Variants in TSPAN9 observed in about 807,000 individuals in gnomAD.
TSPAN9 encodes the protein tetraspanin 9.
A neutral mutation model predicts 31.0 loss-of-function variants in TSPAN9; 16 were observed. That is an observed-to-expected ratio of 0.52 (90% CI 0.35 to 0.78). The LOEUF is 0.78. Among genes scored for constraint, TSPAN9 ranks in the 30% least tolerant of loss-of-function variants. The pLI is 0.01. For synonymous variants in TSPAN9, 145 were observed against 121.6 expected (o/e 1.19, Z -1.27); for missense variants, 272 against 312.5 (o/e 0.87, Z 0.98).
chr12:3,149,670 A>T (rs552176680), intron 2 of TSPAN9: 1 of 150,368 alleles, frequency 6.7e-6, no homozygotes, highest in Non-Finnish European at 1.5e-5. Context: ...TCTGATCTCA[A>T]CACAGGACAG....
intron 2 of TSPAN9, among the ~76,000 whole-genome samples, chr12:3,093,065 T>TTCAA (rs1398433691): frequency 2.8e-4 from 42 of 152,232 alleles, no homozygotes; most frequent in African/African-American, 9.2e-4. Context: ...AGTCCTGGCG[T>TTCAA]TGTCCTGAAT....
rs540344080 is a variant in TSPAN9 at position 3,278,908 on chromosome 12, G to A, written c.256-84G>A. On this transcript the variant is annotated intron_variant, in intron 4 of 8. Transcript: ENST00000011898. ...CAGACCTGGGAAGCCCCACCTAGGCGCCGCCTGTCCCTGCCTTCCACACCC... is the reference window on the plus strand; with the variant it reads ...CAGACCTGGGAAGCCCCACCTAGGCACCGCCTGTCCCTGCCTTCCACACCC... The A allele has an allele frequency of 1.0e-4, 148 of 1,444,496 alleles. 1 individual carries two copies. In the East Asian group the frequency reaches 2.5e-3, roughly 24 times the overall value. The allele number at this position is 1,444,496 out of a possible 1,614,324, so 89.5% of individuals were successfully genotyped here. A position where few individuals can be genotyped will look rare whatever the true frequency, so the allele number is the denominator to read the frequency against.
intron 2 of TSPAN9, among the ~76,000 whole-genome samples, chr12:3,109,753 G>A (rs1037725977): frequency 8.6e-5 from 12 of 139,756 alleles, no homozygotes; most frequent in Middle Eastern, 4.1e-3. Context: ...AGCCGAGATC[G>A]CACCACTGCA....
chr12:3,174,946 G>A (rs1429373173), intron 2 of TSPAN9, among the ~76,000 whole-genome samples: 1 of 152,224 alleles, frequency 6.6e-6, no homozygotes, highest in African/African-American at 2.4e-5. Flanking sequence ...GTGTGAGAAG[G>A]CCGCCCGGAC....
intron 3 of TSPAN9, chr12:3,215,341 T>C (rs1215094826): frequency 1.3e-5 from 2 of 152,186 alleles, no homozygotes. Flanking sequence ...GATCTTTGAC[T>C]TCAGCTTCTC....
chr12:3,192,565 C>T lies in TSPAN9; in HGVS notation c.-17-8612C>T, dbSNP rs1048644226. 1.3e-5 allele frequency among the ~76,000 whole-genome samples: 2 copies of T among 152,076 alleles called. No homozygotes were observed. Among genetic ancestry groups the T allele is most frequent in the Non-Finnish European group, 2.9e-5 (2 of 67,994 alleles). ...ATTTGTTGAGAAGGAGCGGATAGTG[C>T]CAGGGAGCACATCCGGGGCAAGGTC... is the stretch of plus-strand genomic sequence containing the variant. On this transcript the variant is annotated intron_variant, in intron 2 of 8. Transcript: ENST00000011898. The surrounding 1 kb of genome is among the most constrained non-coding windows in gnomAD (Gnocchi z 4.6).
intron 2 of TSPAN9, among the ~76,000 whole-genome samples, chr12:3,174,889 T>A (rs1298173783): frequency 6.6e-6 from 1 of 151,888 alleles, no homozygotes; most frequent in Non-Finnish European, 1.5e-5. Flanking sequence ...GCCTCAGCTG[T>A]GGTTTTAATT....
At chr12:3,164,155 T>G (rs1485950414) in intron 2 of TSPAN9, among the ~76,000 whole-genome samples, 2 of 152,228 alleles carry the variant, frequency 1.3e-5, no homozygotes, top group African/African-American at 2.4e-5. Flanking sequence ...GGTGGCCTGC[T>G]CTGTATTTAG....
At chr12:3,254,472 C>G (rs923698752) in intron 3 of TSPAN9, among the ~76,000 whole-genome samples, 2 of 152,218 alleles carry the variant, frequency 1.3e-5, no homozygotes, top group Admixed American at 1.3e-4. Context: ...TCTACACCAA[C>G]CTTGTGCCCG....
intron 3 of TSPAN9, among the ~76,000 whole-genome samples, chr12:3,204,516 C>T (rs1467053753): frequency 6.6e-6 from 1 of 152,160 alleles, no homozygotes; most frequent in Non-Finnish European, 1.5e-5. Context: ...GCCTGCCTGC[C>T]TGTGGGGGTC....
At chr12:3,100,043 A>G (rs1328460586) in intron 2 of TSPAN9, among the ~76,000 whole-genome samples, 1 of 151,926 alleles carries the variant, frequency 6.6e-6, no homozygotes, top group South Asian at 2.1e-4. Context: ...GGGTTTCACC[A>G]TGTTAGCCGG....
chr12:3,171,221 T>C (rs898962205), intron 2 of TSPAN9, among the ~76,000 whole-genome samples: 1 of 152,156 alleles, frequency 6.6e-6, no homozygotes, highest in African/African-American at 2.4e-5. Flanking sequence ...GCATATGATA[T>C]ATATATTCTT....
intron 3 of TSPAN9, among the ~76,000 whole-genome samples, chr12:3,240,404 G>A (rs151178319): frequency 1.3e-5 from 2 of 152,280 alleles, no homozygotes; most frequent in East Asian, 1.9e-4. Flanking sequence ...AGTCACTCTC[G>A]CTGATTGAGT....
rs138130431 is a variant in TSPAN9, at chr12:3,120,085, G to A, written c.-18+36366G>A. On this transcript the variant is annotated intron_variant, in intron 2 of 8. Coordinates refer to ENST00000011898, the MANE Select transcript of TSPAN9 (RefSeq NM_006675.5). ...TGCTTGGGAAATTCATTGCCCACTCGTTCCCTCTTCCTTTCCTCTGTTGCC... is the reference window on the plus strand; with the variant it reads ...TGCTTGGGAAATTCATTGCCCACTCATTCCCTCTTCCTTTCCTCTGTTGCC... Among the ~76,000 whole-genome samples the A allele has an allele frequency of 1.1e-4, 17 of 152,278 alleles. No individual in the cohort carries two copies. The East Asian group carries it at 2.5e-3, about 22-fold the overall frequency.
intron 2 of TSPAN9, among the ~76,000 whole-genome samples, chr12:3,198,287 C>G (rs367705945): frequency 0.021 from 493 of 23,636 alleles, no homozygotes; most frequent in East Asian, 0.038. Context: ...ACCAGCACAG[C>G]TCACCACCAG....
At chr12:3,251,689 A>G (rs1862245918) in intron 3 of TSPAN9, among the ~76,000 whole-genome samples, 1 of 152,154 alleles carries the variant, frequency 6.6e-6, no homozygotes, top group African/African-American at 2.4e-5. Context: ...GACACACAGG[A>G]CGGTGGGTTC....
intron 2 of TSPAN9, among the ~76,000 whole-genome samples, chr12:3,109,295 T>TGTGC (rs1555141870): frequency 6.1e-5 from 7 of 115,040 alleles, no homozygotes; most frequent in African/African-American, 2.5e-4. Context: ...TGTGTGTGTG[T>TGTGC]GTGTGAGAGA....
chr12:3,156,159 A>C (rs974279277), intron 2 of TSPAN9, among the ~76,000 whole-genome samples: 1 of 152,178 alleles, frequency 6.6e-6, no homozygotes, highest in Non-Finnish European at 1.5e-5. Flanking sequence ...TGTCAGCGGC[A>C]TTGAGAAGTG....
chr12:3,171,197 T>C (rs2098351646), intron 2 of TSPAN9, among the ~76,000 whole-genome samples: 1 of 152,164 alleles, frequency 6.6e-6, no homozygotes, highest in African/African-American at 2.4e-5. Context: ...TATCCCTCTT[T>C]ATTTTTCTAC....
Sources: allele counts gnomAD v4.1 joint callset (sites outside exome capture counted in the v4.1 genomes callset), GRCh38; gene constraint gnomAD v4.1.1; non-coding constraint Gnocchi (gnomAD v3.1); transcripts MANE v1.5; gene names NCBI Gene and HGNC (gene_info 2026-07-23, HGNC 2026-07-21).